ATP1B3: variants seen among roughly 807,000 people sequenced by gnomAD.
ATP1B3 encodes sodium/potassium-transporting ATPase subunit beta-3.
Under a neutral mutation model 30.2 loss-of-function variants are expected in ATP1B3, and 10 were observed. The ratio of observed to expected loss-of-function variants is 0.33; its 90% CI spans 0.20 to 0.56. The LOEUF is 0.56. Ranked by LOEUF, ATP1B3 falls within the 20% of genes least tolerant of loss-of-function variation. The pLI is 0.90. For synonymous variants in ATP1B3, 113 were observed against 117.0 expected (o/e 0.97, Z 0.22); for missense variants, 238 against 336.7 (o/e 0.71, Z 2.29).
chr3:141,912,937 CCTTT>C (rs1157703587), intron 3 of ATP1B3, among the ~76,000 whole-genome samples: 1 of 152,186 alleles, frequency 6.6e-6, no homozygotes, highest in Non-Finnish European at 1.5e-5. Flanking sequence ...TTTTCCGGAT[CCTTT>C]CTTTTTCCCT....
intron 1 of ATP1B3, among the ~76,000 whole-genome samples, chr3:141,897,484 A>G (rs978196678): frequency 1.3e-5 from 2 of 152,224 alleles, no homozygotes; most frequent in African/African-American, 4.8e-5. Flanking sequence ...GAGTTTTAAT[A>G]GAAAAGACAA....
intron 5 of ATP1B3, among the ~76,000 whole-genome samples, chr3:141,920,083 A>G (rs968641386): frequency 6.6e-6 from 1 of 152,232 alleles, no homozygotes; most frequent in Non-Finnish European, 1.5e-5. Flanking sequence ...AAATTAAAAG[A>G]TTAAGAAAAA....
intron 1 of ATP1B3, among the ~76,000 whole-genome samples, 194 bp downstream of exon 1, chr3:141,877,104 G>T (rs1320201961): frequency 2.7e-5 from 4 of 150,876 alleles, no homozygotes; most frequent in Admixed American, 1.3e-4. Context: ...GCCGCAGCTC[G>T]CTCCCGAAGC....
chr3:141,889,746 AAAAAAT>A (rs1933900454), intron 1 of ATP1B3, among the ~76,000 whole-genome samples: 2 of 101,046 alleles, frequency 2.0e-5, no homozygotes, highest in Non-Finnish European at 3.7e-5. Flanking sequence ...AAAAAAAAAA[AAAAAAT>A]ATATACACAC....
chr3:141,904,321 G>A (rs1405870518), intron 2 of ATP1B3, among the ~76,000 whole-genome samples: 1 of 150,782 alleles, frequency 6.6e-6, no homozygotes, highest in Non-Finnish European at 1.5e-5. Context: ...TTTTTTGTCA[G>A]AAGTAAGCAA....
At chr3:141,911,646 C>G (rs988052661) in intron 3 of ATP1B3, among the ~76,000 whole-genome samples, 2 of 152,104 alleles carry the variant, frequency 1.3e-5, no homozygotes, top group African/African-American at 2.4e-5. Context: ...AGGCTTGCGC[C>G]ACCACACCTG....
chr3:141,916,665 C>T (rs974272127), intron 5 of ATP1B3: 2 of 943,390 alleles, frequency 2.1e-6, no homozygotes, highest in Non-Finnish European at 2.9e-6. Context: ...AAATATTTTA[C>T]TTAGAATGTT....
intron 1 of ATP1B3, among the ~76,000 whole-genome samples, chr3:141,880,114 C>T (rs1933695740): frequency 6.6e-6 from 1 of 152,058 alleles, no homozygotes; most frequent in South Asian, 2.1e-4. Flanking sequence ...TAAGGTTCCT[C>T]TCCAAGTGCA....
intron 1 of ATP1B3, among the ~76,000 whole-genome samples, chr3:141,889,746 A>AGATATAT (rs1379745968): frequency 2.0e-5 from 2 of 101,046 alleles, no homozygotes; most frequent in Non-Finnish European, 3.7e-5. Flanking sequence ...AAAAAAAAAA[A>AGATATAT]AAAAATATAT....
chr3:141,909,188 A>T lies in ATP1B3; in HGVS notation c.346+1914A>T, dbSNP rs1022802569. Among the ~76,000 whole-genome samples, 3 of 152,212 alleles carry T rather than the reference A, an allele frequency of 2.0e-5. No homozygotes were observed. The East Asian group carries it at 5.8e-4, about 29-fold the overall frequency. On this transcript the variant is annotated intron_variant, in intron 3 of 6. Transcript: ENST00000286371. ...ACAGTTAAATATGTACTCATTATTT[A>T]AAAAAGACTTTTGTGAAAGTATTAT...
In ATP1B3 at chr3:141,907,162, T is replaced by C. The variant is rs2107774153; in HGVS notation, c.239-5T>C. 1.2e-6 allele frequency: 2 copies of C among 1,603,072 alleles called. No homozygotes were observed. The highest frequency in any genetic ancestry group is 1.7e-6 in the Non-Finnish European group (2 of 1,172,874). On this transcript the variant is annotated splice_region_variant and splice_polypyrimidine_tract_variant and intron_variant, in intron 2 of 6. Coordinates refer to ENST00000286371, the MANE Select transcript of ATP1B3 (RefSeq NM_001679.4). The stretch of plus-strand genomic sequence containing the variant: ...TGATAATCTCTCCCTTTTATGTCTT[T>C]ATAGGACTCATGGTTTTTCCAAAAC...
At chr3:141,877,019 C>G in intron 1 of ATP1B3, 109 bp downstream of exon 1, 4 of 779,008 alleles carry the variant, frequency 5.1e-6, no homozygotes, top group East Asian at 3.7e-5. Context: ...CCGGGGCTCC[C>G]GACCGCCCGA....
intron 1 of ATP1B3, among the ~76,000 whole-genome samples, chr3:141,898,619 G>A (rs1199484779): frequency 6.6e-6 from 1 of 152,162 alleles, no homozygotes; most frequent in Non-Finnish European, 1.5e-5. Context: ...TGAGGTTGAG[G>A]AGGAATTGGA....
At chr3:141,924,984 G>T (rs1022967164) in intron 6 of ATP1B3, among the ~76,000 whole-genome samples, 2 of 152,140 alleles carry the variant, frequency 1.3e-5, no homozygotes, top group African/African-American at 4.8e-5. Flanking sequence ...ATGATAATAG[G>T]CCGGGTGTGG....
intron 1 of ATP1B3, among the ~76,000 whole-genome samples, chr3:141,880,938 C>A (rs1933708784): frequency 6.6e-6 from 1 of 152,212 alleles, no homozygotes; most frequent in Admixed American, 6.5e-5. Flanking sequence ...GACATGGTGG[C>A]TCATGCCTGT....
At chr3:141,883,450 C>T (rs989426336) in intron 1 of ATP1B3, among the ~76,000 whole-genome samples, 3 of 151,988 alleles carry the variant, frequency 2.0e-5, no homozygotes, top group Admixed American at 1.3e-4. Context: ...TCCAGGAGGT[C>T]GAGGCTACAA....
intron 1 of ATP1B3, among the ~76,000 whole-genome samples, chr3:141,889,792 CA>C (rs1933906871): frequency 7.2e-6 from 1 of 139,206 alleles, no homozygotes. Flanking sequence ...CACACACACA[CA>C]CACGTATATC....
At chr3:141,883,002 A>T (rs1327339832) in intron 1 of ATP1B3, among the ~76,000 whole-genome samples, 2 of 152,198 alleles carry the variant, frequency 1.3e-5, no homozygotes, top group African/African-American at 4.8e-5. Context: ...TTAGCACGAC[A>T]TACAAACTCT....
intron 1 of ATP1B3, among the ~76,000 whole-genome samples, chr3:141,897,956 T>G (rs1422553206): frequency 6.6e-6 from 1 of 152,198 alleles, no homozygotes; most frequent in Non-Finnish European, 1.5e-5. Context: ...GTGATCTGCC[T>G]GCCTCGGCCT....
Sources: allele counts gnomAD v4.1 joint callset (sites outside exome capture counted in the v4.1 genomes callset), GRCh38; gene constraint gnomAD v4.1.1; transcripts MANE v1.5; gene names NCBI Gene and HGNC (gene_info 2026-07-23, HGNC 2026-07-21).